Variants in NAALADL2 observed in about 807,000 individuals in gnomAD.
NAALADL2 encodes N-acetylated alpha-linked acidic dipeptidase like 2.
A neutral mutation model predicts 87.2 loss-of-function variants in NAALADL2; 76 were observed. The observed-to-expected ratio is 0.87, with a 90% CI of 0.72 to 1.05. NAALADL2 has a LOEUF of 1.05. Ranked by LOEUF, NAALADL2 falls within the 50% of genes least tolerant of loss-of-function variation. The pLI, the probability that NAALADL2 is intolerant of heterozygous loss-of-function variation, is 0.00. For missense variants in NAALADL2, 1,089 were observed against 945.8 expected (o/e 1.15, Z -1.99); for synonymous variants, 354 against 331.0 (o/e 1.07, Z -0.75).
At chr3:175,123,781 T>C (rs1726502567) in intron 2 of NAALADL2, among the ~76,000 whole-genome samples, 1 of 152,000 alleles carries the variant, frequency 6.6e-6, no homozygotes, top group Non-Finnish European at 1.5e-5. Flanking sequence ...TAAAACACAA[T>C]TGACCATGTT....
chr3:174,555,549 C>T (rs1560051788), intron 2 of NAALADL2, among the ~76,000 whole-genome samples: 1 of 152,214 alleles, frequency 6.6e-6, no homozygotes, highest in African/African-American at 2.4e-5. Context: ...GTCCGCCGGC[C>T]TTGGCCTCCC....
chr3:175,738,637 A>G (rs1744846048), intron 12 of NAALADL2, among the ~76,000 whole-genome samples: 1 of 152,086 alleles, frequency 6.6e-6, no homozygotes, highest in African/African-American at 2.4e-5. Flanking sequence ...TGATTTTATT[A>G]TAGTGACTGT....
At chr3:175,706,849 T>C (rs73049391) in intron 11 of NAALADL2, among the ~76,000 whole-genome samples, 36,257 of 151,978 alleles carry the variant, frequency 0.24, 5,383 homozygotes, top group African/African-American at 0.42. Context: ...TCAAGTTAAC[T>C]CTTCAGTATT....
chr3:175,318,261 G>C (rs935808184), intron 4 of NAALADL2, among the ~76,000 whole-genome samples: 1 of 151,912 alleles, frequency 6.6e-6, no homozygotes, highest in African/African-American at 2.4e-5. Context: ...TTTATGATGT[G>C]GTTTTACTTT....
intron 2 of NAALADL2, among the ~76,000 whole-genome samples, chr3:174,685,823 A>T (rs1334756042): frequency 8.4e-5 from 8 of 95,060 alleles, no homozygotes; most frequent in East Asian, 3.0e-4. Flanking sequence ...CCCTCCTCCC[A>T]CCCCCACCCT....
intron 1 of NAALADL2, among the ~76,000 whole-genome samples, chr3:175,044,001 C>A (rs1402844956): frequency 6.6e-6 from 1 of 152,086 alleles, no homozygotes; most frequent in East Asian, 1.9e-4. Flanking sequence ...TTCTTCCAAT[C>A]TGTGAGCATA....
intron 11 of NAALADL2, among the ~76,000 whole-genome samples, chr3:175,660,602 C>G (rs1372476066): frequency 1.3e-5 from 2 of 151,986 alleles, no homozygotes; most frequent in Non-Finnish European, 2.9e-5. Flanking sequence ...GATACTAGAA[C>G]ATATTCCTTT....
chr3:175,471,607 A>G (rs747305328), intron 8 of NAALADL2, 32 bp from the exon 9 acceptor site: 6 of 1,202,974 alleles, frequency 5.0e-6, no homozygotes, highest in Non-Finnish European at 7.1e-6. Context: ...TATTTGTCTT[A>G]CAGATAGATC....
At chr3:175,259,890 T>C (rs368263686) in intron 4 of NAALADL2, among the ~76,000 whole-genome samples, 14 of 152,104 alleles carry the variant, frequency 9.2e-5, no homozygotes, top group African/African-American at 3.4e-4. Context: ...TAGCTGGGTG[T>C]GGTGGTGCGC....
At chr3:175,029,545 A>G (rs1012766909) in intron 1 of NAALADL2, among the ~76,000 whole-genome samples, 3 of 152,098 alleles carry the variant, frequency 2.0e-5, no homozygotes, top group African/African-American at 7.2e-5. Flanking sequence ...ATATATACAC[A>G]AACTGAAAGA....
At position 175,150,060 on chromosome 3, in the gene NAALADL2, C is replaced by A. The variant is rs560051923; in HGVS notation, c.545+52769C>A. ...ACCTCAGGTATTAGAAAGAGGCAAT[C>A]ATTTTATACTTCCCTGGCAGCATAT... On this transcript the variant is annotated intron_variant, in intron 2 of 13. Coordinates refer to ENST00000454872, the MANE Select transcript of NAALADL2 (RefSeq NM_207015.3). Among the ~76,000 whole-genome samples the A allele has an allele frequency of 1.2e-3, 179 of 152,272 alleles. 1 individual carries two copies. The highest frequency in any genetic ancestry group is 2.1e-3 in the Non-Finnish European group (146 of 68,020).
chr3:175,155,265 A>T (rs1037720125), intron 2 of NAALADL2, among the ~76,000 whole-genome samples: 1 of 152,180 alleles, frequency 6.6e-6, no homozygotes, highest in Admixed American at 6.6e-5. Context: ...GCTGAGAATC[A>T]CTGAAATATT....
At chr3:175,600,575 T>C (rs1722832694) in intron 10 of NAALADL2, among the ~76,000 whole-genome samples, 1 of 134,124 alleles carries the variant, frequency 7.5e-6, no homozygotes, top group South Asian at 2.7e-4. Context: ...TCTCGCTCTG[T>C]CGCCCAGGCT....
At chr3:174,834,690 A>G (rs989367679) in intron 3 of NAALADL2, among the ~76,000 whole-genome samples, 3 of 151,884 alleles carry the variant, frequency 2.0e-5, no homozygotes, top group Admixed American at 6.6e-5. Flanking sequence ...AAATAACACC[A>G]TTTACAAAAT....
At chr3:175,238,007 A>G (rs1746202851) in intron 3 of NAALADL2, among the ~76,000 whole-genome samples, 1 of 152,164 alleles carries the variant, frequency 6.6e-6, no homozygotes, top group Non-Finnish European at 1.5e-5. Context: ...GTACTCATTT[A>G]TTTTTTAAAA....
chr3:174,445,409 C>T (rs974103609), intron 1 of NAALADL2, among the ~76,000 whole-genome samples: 1 of 152,050 alleles, frequency 6.6e-6, no homozygotes, highest in South Asian at 2.1e-4. Context: ...GTTATGTCCC[C>T]AGGTAGTTTT....
At chr3:175,493,505 C>G (rs1728389258) in intron 9 of NAALADL2, among the ~76,000 whole-genome samples, 1 of 152,084 alleles carries the variant, frequency 6.6e-6, no homozygotes, top group Non-Finnish European at 1.5e-5. Context: ...TCATATTACA[C>G]CAGCTCACCG....
At chr3:174,996,778 CT>C (rs1747523372) in intron 1 of NAALADL2, among the ~76,000 whole-genome samples, 1 of 152,176 alleles carries the variant, frequency 6.6e-6, no homozygotes, top group East Asian at 1.9e-4. Context: ...GTCTTTATCC[CT>C]CAACCCCCTC....
chr3:175,075,935 A>G (rs1716506650), intron 1 of NAALADL2, among the ~76,000 whole-genome samples: 1 of 152,094 alleles, frequency 6.6e-6, no homozygotes, highest in African/African-American at 2.4e-5. Flanking sequence ...ATAAAATAAT[A>G]TGTCATAACA....
Sources: allele counts gnomAD v4.1 joint callset (sites outside exome capture counted in the v4.1 genomes callset), GRCh38; gene constraint gnomAD v4.1.1; transcripts MANE v1.5; gene names NCBI Gene and HGNC (gene_info 2026-07-23, HGNC 2026-07-21).